The following SEC24A variants were observed in gnomAD, a reference collection of about 807,000 sequenced individuals.
SEC24A encodes protein transport protein Sec24A.
In SEC24A, 93 loss-of-function variants were observed where a neutral mutation model predicts 129.4. The observed-to-expected ratio is 0.72, with a 90% CI of 0.61 to 0.85. The LOEUF (loss-of-function observed/expected upper bound fraction) is 0.85. SEC24A is among the 40% of genes least tolerant of loss of function. SEC24A has a pLI of 0.00. For missense variants in SEC24A, 1,264 were observed against 1,307.4 expected (o/e 0.97, Z 0.51); for synonymous variants, 460 against 467.3 (o/e 0.98, Z 0.20).
At chr5:134,690,636 A>G (rs1232134600) in intron 11 of SEC24A, among the ~76,000 whole-genome samples, 3 of 152,186 alleles carry the variant, frequency 2.0e-5, no homozygotes, top group Admixed American at 6.5e-5. Flanking sequence ...TTTTGTAATC[A>G]GAAACAAAAT....
chr5:134,686,692 A>G (rs1751463604), intron 9 of SEC24A, 98 bp from the exon 10 acceptor site: 1 of 621,424 alleles, frequency 1.6e-6, no homozygotes, highest in Non-Finnish European at 2.8e-6. Flanking sequence ...TCAATCTGTA[A>G]ATAATGCTTT....
chr5:134,712,397 C>T (rs1279803007), intron 18 of SEC24A, among the ~76,000 whole-genome samples: 1 of 150,366 alleles, frequency 6.7e-6, no homozygotes, highest in Non-Finnish European at 1.5e-5. Flanking sequence ...ATTACAGGCA[C>T]CCGCCACCAT....
In SEC24A at chr5:134,700,577, AG is replaced by A. The variant is rs1191489000; in HGVS notation, c.2266+2521del. ...TATGAAATCTATAACAAAAAAAAAA[AG>A]ATAAAGATCCACTAACCTGTTCCAT... is the stretch of plus-strand genomic sequence containing the variant. On this transcript the variant is annotated intron_variant, in intron 15 of 22. Coordinates refer to ENST00000398844, the MANE Select transcript of SEC24A (RefSeq NM_021982.3). Among the ~76,000 whole-genome samples the A allele has an allele frequency of 1.9e-4, 29 of 151,866 alleles. 1 individual carries two copies. Among genetic ancestry groups the A allele is most frequent in the African/African-American group, 6.3e-4 (26 of 41,482 alleles).
At chr5:134,689,353 C>G (rs1328411971) in intron 11 of SEC24A, among the ~76,000 whole-genome samples, 1 of 152,234 alleles carries the variant, frequency 6.6e-6, no homozygotes, top group Admixed American at 6.5e-5. Flanking sequence ...AGCAGAGACT[C>G]AAGCGGATGC....
chr5:134,686,871 G>T lies in SEC24A; in HGVS notation c.1573G>T (p.Val525Phe). 1 of 1,606,872 alleles carries T rather than the reference G, an allele frequency of 6.2e-7. No homozygotes were observed. The highest frequency in any genetic ancestry group is 1.1e-5 in the South Asian group (1 of 90,044). ...NAVETGYLNS[V>F]CQSLLDNLDL... ...AGTCGAAACTGGATACTTGAATTCA[G>T]TTTGCCAGAGTTTGTTAGACAATCT... Residue 525 changes from valine (V) to phenylalanine (F), a missense_variant, in exon 10 of 23, where the codon GTT becomes TTT. Coordinates refer to ENST00000398844, the MANE Select transcript of SEC24A (RefSeq NM_021982.3).
At position 134,675,224 on chromosome 5, in the gene SEC24A, C is replaced by G. The variant is rs763947878; in HGVS notation, c.1151+7C>G. The G allele has an allele frequency of 1.9e-6, 3 of 1,602,982 alleles. No individual in the cohort carries two copies. The South Asian group carries it at 3.3e-5, about 18-fold the overall frequency. ...AACTCAACTGTAACCCAGAGTAAGG[C>G]TTCAGATGTGACATTATGCATGTCC... On this transcript the variant is annotated splice_region_variant and intron_variant, in intron 6 of 22. Coordinates refer to ENST00000398844, the MANE Select transcript of SEC24A (RefSeq NM_021982.3).
At chr5:134,699,498 A>G (rs940157121) in intron 15 of SEC24A, among the ~76,000 whole-genome samples, 4 of 150,946 alleles carry the variant, frequency 2.6e-5, no homozygotes, top group Admixed American at 2.6e-4. Context: ...ACGGGGTTTC[A>G]CCATGTTAGC....
At chr5:134,711,539 GAAAAAT>G (rs1419014551) in intron 18 of SEC24A, among the ~76,000 whole-genome samples, 3 of 136,872 alleles carry the variant, frequency 2.2e-5, no homozygotes, top group African/African-American at 7.8e-5. Flanking sequence ...TTTTTAATAA[GAAAAAT>G]AAAGGACTGC....
chr5:134,661,231 C>T lies in SEC24A; in HGVS notation c.210C>T (p.Val70=), dbSNP rs1344966540. 5.6e-6 allele frequency: 9 copies of T among 1,614,150 alleles called. No individual in the cohort carries two copies. The highest frequency in any genetic ancestry group is 7.6e-6 in the Non-Finnish European group (9 of 1,180,002). The change falls in exon 2 of 23, where the codon GTC becomes GTT. Residue 70 remains valine, a synonymous_variant. Transcript: ENST00000398844. ...TACCAGCAAAGACTTTGAATCCAGTCTCTGGACAGTCTAACTATGGTGGTT... is the reference window on the plus strand; with the variant it reads ...TACCAGCAAAGACTTTGAATCCAGTTTCTGGACAGTCTAACTATGGTGGTT... ...HPIPAKTLNP[V]SGQSNYGGSQ... is the part of the protein sequence containing the mutation.
At chr5:134,717,237 A>G (rs574265381) in intron 19 of SEC24A, among the ~76,000 whole-genome samples, 1 of 152,098 alleles carries the variant, frequency 6.6e-6, no homozygotes, top group Non-Finnish European at 1.5e-5. Flanking sequence ...GGCACGGTAA[A>G]TCACACCTGT....
chr5:134,694,751 G>A (rs1207063201), intron 13 of SEC24A, among the ~76,000 whole-genome samples: 12 of 151,316 alleles, frequency 7.9e-5, no homozygotes, highest in Admixed American at 4.6e-4. Flanking sequence ...CCTGGGAGGC[G>A]GAGGTTGCAG....
At chr5:134,709,119 G>C (rs1580733745) in intron 18 of SEC24A, among the ~76,000 whole-genome samples, 1 of 152,074 alleles carries the variant, frequency 6.6e-6, no homozygotes, top group Non-Finnish European at 1.5e-5. Context: ...TGCTGAGGTG[G>C]GAGGATGGTT....
At chr5:134,700,344 C>T (rs1437457733) in intron 15 of SEC24A, among the ~76,000 whole-genome samples, 3 of 151,822 alleles carry the variant, frequency 2.0e-5, no homozygotes, top group African/African-American at 7.3e-5. Flanking sequence ...CTCAGCCTCC[C>T]GAATAACTGG....
intron 16 of SEC24A, among the ~76,000 whole-genome samples, chr5:134,704,803 T>C (rs1240609484): frequency 2.3e-5 from 3 of 131,260 alleles, no homozygotes; most frequent in African/African-American, 8.4e-5. Context: ...ACCTTGTTTC[T>C]AAAAAAAAAA....
intron 1 of SEC24A, among the ~76,000 whole-genome samples, chr5:134,653,059 C>T (rs1201575493): frequency 6.6e-6 from 1 of 151,964 alleles, no homozygotes; most frequent in Non-Finnish European, 1.5e-5. Context: ...CCCGCCTCTG[C>T]CTCCCAAAGT....
intron 1 of SEC24A, among the ~76,000 whole-genome samples, chr5:134,651,786 T>C (rs1750059594): frequency 6.6e-6 from 1 of 151,886 alleles, no homozygotes; most frequent in Non-Finnish European, 1.5e-5. Context: ...TTGTTCATCC[T>C]GCTAATAATA....
At chr5:134,674,411 C>G (rs1486624314) in intron 4 of SEC24A, among the ~76,000 whole-genome samples, 1 of 152,088 alleles carries the variant, frequency 6.6e-6, no homozygotes, top group African/African-American at 2.4e-5. Flanking sequence ...ATGGCACACA[C>G]CAGTCATTCC....
intron 17 of SEC24A, among the ~76,000 whole-genome samples, chr5:134,706,314 C>A (rs1017404750): frequency 6.6e-6 from 1 of 152,194 alleles, no homozygotes; most frequent in Non-Finnish European, 1.5e-5. Flanking sequence ...TACCACCATA[C>A]ATTTGTTTGC....
At chr5:134,678,394 G>A (rs912795714) in intron 7 of SEC24A, among the ~76,000 whole-genome samples, 1 of 151,214 alleles carries the variant, frequency 6.6e-6, no homozygotes, top group Non-Finnish European at 1.5e-5. Context: ...TGCCATTTAT[G>A]CCAAAAGTAC....
Sources: allele counts gnomAD v4.1 joint callset (sites outside exome capture counted in the v4.1 genomes callset), GRCh38; gene constraint gnomAD v4.1.1; transcripts MANE v1.5; gene names NCBI Gene and HGNC (gene_info 2026-07-23, HGNC 2026-07-21).